Variants in TBC1D5 observed in about 807,000 individuals in gnomAD.
The protein encoded by TBC1D5 is TBC1 domain family, member 5.
TBC1D5 carries 75 observed loss-of-function variants against 100.3 expected under a neutral mutation model. That is an observed-to-expected ratio of 0.75 (90% CI 0.62 to 0.91). TBC1D5 has a LOEUF of 0.91. TBC1D5 is among the 40% of genes least tolerant of loss of function. The pLI, the probability that TBC1D5 is intolerant of heterozygous loss-of-function variation, is 0.00. For synonymous variants in TBC1D5, 323 were observed against 325.6 expected (o/e 0.99, Z 0.09); for missense variants, 910 against 942.4 (o/e 0.97, Z 0.45).
At chr3:17,634,295 C>G (rs960540472) in intron 1 of TBC1D5, among the ~76,000 whole-genome samples, 3 of 152,126 alleles carry the variant, frequency 2.0e-5, no homozygotes, top group African/African-American at 7.2e-5. Context: ...CAACACTGTT[C>G]ATGATAGCCA....
At chr3:17,468,178 A>C (rs938585081) in intron 3 of TBC1D5, among the ~76,000 whole-genome samples, 1 of 152,230 alleles carries the variant, frequency 6.6e-6, no homozygotes. Context: ...ATTTAGGAAC[A>C]CTAAAAAGAC....
intron 16 of TBC1D5, among the ~76,000 whole-genome samples, chr3:17,248,842 A>C (rs1384547615): frequency 1.3e-5 from 2 of 152,068 alleles, no homozygotes; most frequent in Admixed American, 1.3e-4. Flanking sequence ...CTATACCGAA[A>C]ATCTGTTGTT....
At chr3:17,176,968 GCCACTGGGGGCCA>G (rs2067826393) in intron 19 of TBC1D5, among the ~76,000 whole-genome samples, 1 of 152,168 alleles carries the variant, frequency 6.6e-6, no homozygotes, top group Non-Finnish European at 1.5e-5. Context: ...CGCCAAGGCA[GCCACTGGGGGCCA>G]CTGTGGTCAC....
chr3:17,225,409 AG>A (rs1318313282), intron 17 of TBC1D5, among the ~76,000 whole-genome samples: 1 of 144,066 alleles, frequency 6.9e-6, no homozygotes, highest in African/African-American at 2.6e-5. Flanking sequence ...ACTGCACTCC[AG>A]TCTGGGCGAT....
chr3:17,272,270 A>AT (rs959446644), intron 15 of TBC1D5, among the ~76,000 whole-genome samples: 10 of 152,278 alleles, frequency 6.6e-5, no homozygotes, highest in Non-Finnish European at 1.2e-4. Context: ...GCAATAGACA[A>AT]TTTTTTTAAA....
chr3:17,679,572 T>C (rs1170054388), intron 1 of TBC1D5, among the ~76,000 whole-genome samples: 5 of 151,526 alleles, frequency 3.3e-5, no homozygotes, highest in Non-Finnish European at 7.4e-5. Flanking sequence ...ATTGTTTAGC[T>C]CTCAGTAACT....
chr3:17,611,520 G>T (rs1183550170), intron 2 of TBC1D5, among the ~76,000 whole-genome samples: 2 of 152,108 alleles, frequency 1.3e-5, no homozygotes, highest in Admixed American at 1.3e-4. Context: ...CAGCCAAGAA[G>T]GAAAAGTATA....
At chr3:17,296,515 C>T (rs1356898417) in intron 14 of TBC1D5, among the ~76,000 whole-genome samples, 2 of 152,116 alleles carry the variant, frequency 1.3e-5, no homozygotes, top group Non-Finnish European at 2.9e-5. Context: ...GCCAATGGAC[C>T]AGAAAACAAG....
chr3:17,664,743 C>G (rs1208057782), intron 1 of TBC1D5, among the ~76,000 whole-genome samples: 2 of 152,106 alleles, frequency 1.3e-5, no homozygotes, highest in African/African-American at 2.4e-5. Flanking sequence ...AAGAACAGAA[C>G]ACTACCACTG....
chr3:17,377,206 T>C (rs2092743453), intron 9 of TBC1D5, among the ~76,000 whole-genome samples: 2 of 152,260 alleles, frequency 1.3e-5, no homozygotes, highest in African/African-American at 4.8e-5. Context: ...AATTTTTTCC[T>C]GTCTACTTAA....
intron 2 of TBC1D5, among the ~76,000 whole-genome samples, chr3:17,529,844 C>T (rs772362497): frequency 3.3e-5 from 5 of 152,032 alleles, no homozygotes; most frequent in East Asian, 1.9e-4. Flanking sequence ...TAAAATTGGA[C>T]GGAGCACATC....
At chr3:17,336,299 G>A (rs2087785526) in intron 13 of TBC1D5, among the ~76,000 whole-genome samples, 1 of 152,138 alleles carries the variant, frequency 6.6e-6, no homozygotes, top group South Asian at 2.1e-4. Flanking sequence ...GTAGAAACTG[G>A]AAAGCTGCAT....
At chr3:17,742,124 G>A (rs1292662995), upstream of TBC1D5, among the ~76,000 whole-genome samples, 2 of 152,196 alleles carry the variant, frequency 1.3e-5, no homozygotes, top group Non-Finnish European at 1.5e-5. Context: ...TCCTGGGGCA[G>A]GGAAAGCAGG....
At chr3:17,668,176 T>C (rs931888228) in intron 1 of TBC1D5, among the ~76,000 whole-genome samples, 3 of 148,544 alleles carry the variant, frequency 2.0e-5, no homozygotes, top group Non-Finnish European at 3.0e-5. Context: ...ATTTAAGATA[T>C]ATATATATAT....
intron 8 of TBC1D5, among the ~76,000 whole-genome samples, chr3:17,388,149 T>G (rs1228132473): frequency 6.6e-6 from 1 of 152,172 alleles, no homozygotes; most frequent in East Asian, 1.9e-4. Flanking sequence ...ATATTTCAGT[T>G]TAGACTCAAC....
At chr3:17,679,973 G>A (rs1009421564) in intron 1 of TBC1D5, among the ~76,000 whole-genome samples, 43 of 151,398 alleles carry the variant, frequency 2.8e-4, no homozygotes, top group African/African-American at 1.0e-3. Context: ...AAACCAATAT[G>A]TGAAACTTCC....
At position 17,563,956 on chromosome 3, in the gene TBC1D5, G is replaced by T. The variant is rs544512306; in HGVS notation, c.-35-55351C>A. ...CGCCACCATGCCTGGCTAATTTTTT[G>T]TATTTTTAGTAGAGACGGGGTTTCA... On this transcript the variant is annotated intron_variant, in intron 2 of 21. Coordinates refer to ENST00000253692, the Ensembl canonical transcript of TBC1D5. Among the ~76,000 whole-genome samples the T allele has an allele frequency of 3.0e-3, 450 of 152,152 alleles. 3 individuals are homozygous for T. Among genetic ancestry groups the T allele is most frequent in the African/African-American group, 0.01 (423 of 41,500 alleles).
At chr3:17,259,725 G>C (rs78111207) in intron 15 of TBC1D5, among the ~76,000 whole-genome samples, 2 of 151,426 alleles carry the variant, frequency 1.3e-5, no homozygotes, top group African/African-American at 4.9e-5. Flanking sequence ...GGGGGGTTGC[G>C]GGGGGATATA....
intron 1 of TBC1D5, among the ~76,000 whole-genome samples, chr3:17,685,531 T>A (rs2070147537): frequency 6.6e-6 from 1 of 152,064 alleles, no homozygotes; most frequent in South Asian, 2.1e-4. Flanking sequence ...TTTTCCGGAT[T>A]TTGATAATTT....
Sources: allele counts gnomAD v4.1 joint callset (sites outside exome capture counted in the v4.1 genomes callset), GRCh38; gene constraint gnomAD v4.1.1; transcripts MANE v1.5; gene names NCBI Gene and HGNC (gene_info 2026-07-23, HGNC 2026-07-21).